Variants in RARB observed in about 807,000 individuals in gnomAD.
RARB encodes retinoic acid receptor beta.
RARB carries 17 observed loss-of-function variants against 51.9 expected under a neutral mutation model. That is an observed-to-expected ratio of 0.33 (90% CI 0.22 to 0.49). The LOEUF (loss-of-function observed/expected upper bound fraction) is 0.49. Among genes scored for constraint, RARB ranks in the 20% least tolerant of loss-of-function variants. The pLI is 0.99. For synonymous variants in RARB, 215 were observed against 195.4 expected (o/e 1.10, Z -0.84); for missense variants, 369 against 550.8 (o/e 0.67, Z 3.30).
intron 2 of RARB, among the ~76,000 whole-genome samples, chr3:25,496,907 G>A (rs1247149926): frequency 6.6e-5 from 10 of 152,210 alleles, no homozygotes; most frequent in South Asian, 4.1e-4. Context: ...TTTTTGAGAC[G>A]GAGTTTCACT....
At chr3:25,574,102 C>CTT (rs1193368625) in intron 4 of RARB, among the ~76,000 whole-genome samples, 2 of 152,226 alleles carry the variant, frequency 1.3e-5, no homozygotes, top group Non-Finnish European at 2.9e-5. Flanking sequence ...TATAGATGAG[C>CTT]TTTCCAAAAT....
chr3:25,252,458 A>G (rs1260911480), intron 5 of RARB, among the ~76,000 whole-genome samples: 1 of 152,142 alleles, frequency 6.6e-6, no homozygotes, highest in African/African-American at 2.4e-5. Flanking sequence ...ATGTAATGAT[A>G]TTGTCTTCCA....
intron 1 of RARB, among the ~76,000 whole-genome samples, chr3:24,838,252 TC>T: frequency 6.6e-6 from 1 of 152,306 alleles, no homozygotes; most frequent in East Asian, 1.9e-4. Context: ...CAGAGAAATT[TC>T]TCAGCTTTTT....
chr3:25,121,342 C>G (rs1010179564), intron 3 of RARB, among the ~76,000 whole-genome samples: 1 of 152,092 alleles, frequency 6.6e-6, no homozygotes, highest in African/African-American at 2.4e-5. Context: ...ACATTGCTCA[C>G]CTCCTTTTCA....
At chr3:24,937,671 G>A (rs1249069189) in intron 2 of RARB, among the ~76,000 whole-genome samples, 1 of 152,098 alleles carries the variant, frequency 6.6e-6, no homozygotes, top group African/African-American at 2.4e-5. Context: ...CAGGGAGATA[G>A]CATCAAAACA....
intron 5 of RARB, among the ~76,000 whole-genome samples, chr3:25,178,663 A>AT (rs1312650858): frequency 6.6e-6 from 1 of 152,156 alleles, no homozygotes; most frequent in Non-Finnish European, 1.5e-5. Context: ...GATGATAGAT[A>AT]TTTAAAGGAC....
chr3:25,094,471 C>G (rs770188855), intron 3 of RARB, among the ~76,000 whole-genome samples: 6 of 152,086 alleles, frequency 3.9e-5, no homozygotes, highest in African/African-American at 1.4e-4. Context: ...AATCTCAGCA[C>G]TTTGGGAGGC....
At chr3:25,507,209 T>A (rs1008343975) in intron 3 of RARB, among the ~76,000 whole-genome samples, 4 of 152,270 alleles carry the variant, frequency 2.6e-5, no homozygotes, top group Admixed American at 6.5e-5. Flanking sequence ...TCTCACCTTG[T>A]AGCCCCTGAA....
At chr3:24,958,180 G>A (rs553546466) in intron 2 of RARB, among the ~76,000 whole-genome samples, 1 of 149,898 alleles carries the variant, frequency 6.7e-6, no homozygotes, top group African/African-American at 2.4e-5. Context: ...AGGATAACAG[G>A]GAGGCATTCA....
Position 25,176,334 on chromosome 3 carries a change from TTTCCTTCCTTCCTTCCTTCC to T in RARB, c.178+1794_178+1813del, listed in dbSNP as rs71057701. ...CTTTCTTTCTTTCTTTCTTTCTTTC[TTTCCTTCCTTCCTTCCTTCC>T]TTCCTTCCTTCCTTCCTTCCTTCCT... On this transcript the variant is annotated intron_variant, in intron 5 of 11. Coordinates refer to the RARB transcript ENST00000383772. Among the ~76,000 whole-genome samples the T allele has an allele frequency of 4.0e-4, 43 of 108,536 alleles. 1 individual carries two copies. The highest frequency in any genetic ancestry group is 6.9e-4 in the African/African-American group (21 of 30,372). The allele number at this position is 108,536 out of a possible 152,430, so 71.2% of individuals were successfully genotyped here. A position where few individuals can be genotyped will look rare whatever the true frequency, so the allele number is the denominator to read the frequency against.
intron 2 of RARB, among the ~76,000 whole-genome samples, chr3:25,473,772 C>A (rs1334099063): frequency 2.0e-5 from 3 of 151,978 alleles, no homozygotes; most frequent in Non-Finnish European, 4.4e-5. Flanking sequence ...TTCACATGGG[C>A]TTCTCCTCCC....
chr3:25,297,305 G>A (rs1703936728), intron 5 of RARB, among the ~76,000 whole-genome samples: 1 of 151,194 alleles, frequency 6.6e-6, no homozygotes, highest in Admixed American at 6.6e-5. Context: ...CATAGAATTA[G>A]AGGACAAAAG....
At chr3:25,201,221 G>A (rs1701381157) in intron 5 of RARB, among the ~76,000 whole-genome samples, 2 of 152,014 alleles carry the variant, frequency 1.3e-5, no homozygotes, top group South Asian at 4.1e-4. Context: ...TCGTGATTTG[G>A]CTCTCTGTTT....
intron 2 of RARB, among the ~76,000 whole-genome samples, chr3:25,466,119 A>G (rs1044129912): frequency 6.6e-6 from 1 of 152,270 alleles, no homozygotes; most frequent in African/African-American, 2.4e-5. Context: ...TAAAGCATAT[A>G]GAATAGTACC....
intron 5 of RARB, among the ~76,000 whole-genome samples, chr3:25,238,111 T>C (rs1702345007): frequency 6.6e-6 from 1 of 152,094 alleles, no homozygotes; most frequent in African/African-American, 2.4e-5. Flanking sequence ...TTTAATTGTA[T>C]GTTTGTACCT....
chr3:25,482,781 CG>C (rs1402660659), intron 2 of RARB, among the ~76,000 whole-genome samples: 2 of 151,844 alleles, frequency 1.3e-5, no homozygotes, highest in Non-Finnish European at 2.9e-5. Flanking sequence ...CCTCATGATC[CG>C]CCCAGCTCGG....
chr3:25,360,063 T>C lies in RARB; in HGVS notation c.179-101130T>C, dbSNP rs143393606. ...TTCTGTGTCATTGATCTGTCTAATATAGACAGTGGGGTGTTAAAGTTTCCC... is the reference window on the plus strand; with the variant it reads ...TTCTGTGTCATTGATCTGTCTAATACAGACAGTGGGGTGTTAAAGTTTCCC... On this transcript the variant is annotated intron_variant, in intron 5 of 11. Coordinates refer to the RARB transcript ENST00000383772. 1.9e-3 allele frequency among the ~76,000 whole-genome samples: 294 copies of C among 152,306 alleles called. 1 individual carries two copies. The highest frequency in any genetic ancestry group is 6.6e-3 in the African/African-American group (274 of 41,566).
At chr3:25,270,014 T>C (rs940393079) in intron 5 of RARB, among the ~76,000 whole-genome samples, 1 of 152,174 alleles carries the variant, frequency 6.6e-6, no homozygotes, top group Non-Finnish European at 1.5e-5. Flanking sequence ...GAAAATCATA[T>C]TGGCAAGGAT....
intron 3 of RARB, among the ~76,000 whole-genome samples, chr3:25,508,114 G>A (rs952246762): frequency 2.6e-5 from 4 of 152,136 alleles, no homozygotes; most frequent in Admixed American, 1.3e-4. Context: ...TTATTTCACA[G>A]CATTTTTTTC....
Sources: allele counts gnomAD v4.1 joint callset (sites outside exome capture counted in the v4.1 genomes callset), GRCh38; gene constraint gnomAD v4.1.1; transcripts MANE v1.5; gene names NCBI Gene and HGNC (gene_info 2026-07-23, HGNC 2026-07-21).